Variants in FGF13 observed in about 807,000 individuals in gnomAD.
FGF13 encodes fibroblast growth factor 13.
Under a neutral mutation model 19.5 loss-of-function variants are expected in FGF13, and 2 were observed. That is an observed-to-expected ratio of 0.10 (90% confidence interval 0.04 to 0.32). The LOEUF (loss-of-function observed/expected upper bound fraction) is 0.32. Among genes scored for constraint, FGF13 ranks in the 10% least tolerant of loss-of-function variants. The pLI, the probability that FGF13 is intolerant of heterozygous loss-of-function variation, is 1.00. For missense variants in FGF13, 113 were observed against 192.7 expected (o/e 0.59, Z 2.45); for synonymous variants, 72 against 76.9 (o/e 0.94, Z 0.33).
intron 1 of FGF13, among the ~76,000 whole-genome samples, chrX:139,186,955 T>C (rs2084287732): frequency 8.9e-6 from 1 of 112,448 alleles, no homozygotes; most frequent in African/African-American, 3.2e-5. Context: ...CCAGGGCATC[T>C]GCTATTACAG....
At chrX:139,106,769 G>A (rs1171916152) in intron 1 of FGF13, among the ~76,000 whole-genome samples, 1 of 112,310 alleles carries the variant, frequency 8.9e-6, no homozygotes, top group Non-Finnish European at 1.9e-5. Context: ...TTACAAAGGG[G>A]TTTTAAACTC....
At chrX:139,002,051 G>T (rs2092075807) in intron 1 of FGF13, among the ~76,000 whole-genome samples, 1 of 111,340 alleles carries the variant, frequency 9.0e-6, no homozygotes, top group Admixed American at 9.6e-5. Flanking sequence ...GGACATGGAT[G>T]AAACTGGAAA....
intron 1 of FGF13, among the ~76,000 whole-genome samples, chrX:138,970,158 G>A (rs1480239949): frequency 8.9e-6 from 1 of 111,833 alleles, no homozygotes; most frequent in African/African-American, 3.3e-5. Flanking sequence ...TGATCAGAAG[G>A]CAGATATAAT....
At chrX:138,719,344 T>G (rs1209092479) in intron 1 of FGF13, among the ~76,000 whole-genome samples, 2 of 112,484 alleles carry the variant, frequency 1.8e-5, no homozygotes, top group Non-Finnish European at 3.8e-5. Context: ...CAATAACTTC[T>G]TATAGCAATA....
intron 3 of FGF13, among the ~76,000 whole-genome samples, chrX:138,664,382 A>T (rs2089519558): frequency 9.0e-6 from 1 of 111,679 alleles, no homozygotes; most frequent in African/African-American, 3.3e-5. Flanking sequence ...GTCAGGTCGG[A>T]AATGTTATAT....
chrX:138,759,866 T>C (rs1050964615), intron 3 of FGF13, among the ~76,000 whole-genome samples: 2 of 112,062 alleles, frequency 1.8e-5, no homozygotes, highest in African/African-American at 6.5e-5. Flanking sequence ...TAAATGGCAA[T>C]TGTTACTGTT....
intron 3 of FGF13, among the ~76,000 whole-genome samples, chrX:138,814,410 G>T (rs2124045982): frequency 9.1e-6 from 1 of 110,171 alleles, no homozygotes; most frequent in Non-Finnish European, 1.9e-5. Context: ...TGAACAGAGT[G>T]AAGAGATAAC....
At chrX:138,886,392 C>T (rs757664715) in intron 1 of FGF13, among the ~76,000 whole-genome samples, 2 of 112,390 alleles carry the variant, frequency 1.8e-5, no homozygotes, top group Admixed American at 9.5e-5. Context: ...AAAGTCAATA[C>T]TTACGGAGTC....
chrX:139,065,481 C>CAAAAAAAAAAAAAA (rs767805587), intron 1 of FGF13, among the ~76,000 whole-genome samples: 7 of 30,774 alleles, frequency 2.3e-4, no homozygotes, highest in East Asian at 1.2e-3. Flanking sequence ...AAACGGAAAG[C>CAAAAAAAAAAAAAA]AAAAAAAAAA....
chrX:138,764,435 G>A (rs1283751637), intron 3 of FGF13, among the ~76,000 whole-genome samples: 1 of 112,675 alleles, frequency 8.9e-6, no homozygotes, highest in Non-Finnish European at 1.9e-5. Flanking sequence ...CTGCTTAAAG[G>A]CAAACTGTGG....
intron 1 of FGF13, among the ~76,000 whole-genome samples, chrX:138,924,671 G>A (rs1270941555): frequency 1.8e-5 from 2 of 110,414 alleles, no homozygotes; most frequent in African/African-American, 6.6e-5. Flanking sequence ...AGGGGTTGGG[G>A]TGCAGAATTG....
chrX:138,724,083 A>G (rs2090167711), intron 1 of FGF13, among the ~76,000 whole-genome samples: 1 of 112,129 alleles, frequency 8.9e-6, no homozygotes, highest in African/African-American at 3.2e-5. Flanking sequence ...CTTGAGTGGA[A>G]CTGTACACGG....
intron 1 of FGF13, among the ~76,000 whole-genome samples, chrX:138,726,444 T>C (rs1173501972): frequency 8.9e-6 from 1 of 112,414 alleles, no homozygotes; most frequent in East Asian, 2.8e-4. Flanking sequence ...GTCTACCTCC[T>C]AGGGTAATTG....
At chrX:139,132,965 G>A (rs1285512833) in intron 1 of FGF13, among the ~76,000 whole-genome samples, 3 of 111,392 alleles carry the variant, frequency 2.7e-5, no homozygotes, top group Non-Finnish European at 1.9e-5. Context: ...TAATTGACCA[G>A]CACTTTCCAA....
At chrX:139,153,845 A>ATTTCC (rs1231620342) in intron 1 of FGF13, among the ~76,000 whole-genome samples, 12 of 111,073 alleles carry the variant, frequency 1.1e-4, no homozygotes, top group African/African-American at 3.0e-4. Flanking sequence ...AAGGGGAAAT[A>ATTTCC]CATGCACACA....
At chrX:138,883,055 C>T (rs1404965328) in intron 1 of FGF13, among the ~76,000 whole-genome samples, 1 of 112,086 alleles carries the variant, frequency 8.9e-6, no homozygotes, top group African/African-American at 3.2e-5. Context: ...AGCACAGACA[C>T]ATGGATCAAG....
intron 1 of FGF13, among the ~76,000 whole-genome samples, chrX:138,966,694 G>A (rs1353130510): frequency 9.0e-6 from 1 of 111,686 alleles, no homozygotes; most frequent in Non-Finnish European, 1.9e-5. Flanking sequence ...GACTCTGGGG[G>A]ACTGTTGGAA....
At chrX:139,044,529 G>A (rs372811976) in intron 1 of FGF13, among the ~76,000 whole-genome samples, 1 of 111,245 alleles carries the variant, frequency 9.0e-6, no homozygotes, top group South Asian at 3.8e-4. Flanking sequence ...TAAGATTTGG[G>A]TGGAAACAAT....
chrX:139,108,567 T>C (rs2083576081), intron 1 of FGF13, among the ~76,000 whole-genome samples: 1 of 112,052 alleles, frequency 8.9e-6, no homozygotes, highest in Non-Finnish European at 1.9e-5. Flanking sequence ...CTAAAATATG[T>C]CGTAGCTGTA....
Sources: gnomAD v4.1 joint callset for allele counts (sites outside exome capture counted in the v4.1 genomes callset) on GRCh38, gnomAD v4.1.1 for gene constraint, MANE v1.5 for transcripts, NCBI Gene and HGNC (gene_info 2026-07-23, HGNC 2026-07-21) for gene names.